LAMC1: variants seen among roughly 807,000 people sequenced by gnomAD.
LAMC1 encodes laminin subunit gamma 1.
In LAMC1, 38 loss-of-function variants were observed where a neutral mutation model predicts 173.6. The observed-to-expected ratio is 0.22, with a 90% confidence interval of 0.17 to 0.29. LAMC1 has a LOEUF of 0.29. Among genes scored for constraint, LAMC1 ranks in the 10% least tolerant of loss-of-function variants. The pLI is 1.00. For missense variants in LAMC1, 1,824 were observed against 2,051.8 expected (o/e 0.89, Z 2.14); for synonymous variants, 746 against 749.1 (o/e 1.00, Z 0.07).
chr1:183,106,377 A>G (rs1390979232), intron 2 of LAMC1, among the ~76,000 whole-genome samples: 1 of 152,206 alleles, frequency 6.6e-6, no homozygotes, highest in Admixed American at 6.5e-5. Flanking sequence ...TGGAGTTCCA[A>G]GTTTGGATAT....
At chr1:183,106,108 C>T (rs187176102) in intron 2 of LAMC1, among the ~76,000 whole-genome samples, 3 of 152,138 alleles carry the variant, frequency 2.0e-5, no homozygotes, top group Admixed American at 6.5e-5. Flanking sequence ...CATAACTTGC[C>T]CCAAATCACA....
chr1:183,131,412 G>T (rs768182151), intron 20 of LAMC1, 34 bp downstream of exon 20: 6 of 1,247,574 alleles, frequency 4.8e-6, no homozygotes, highest in Non-Finnish European at 6.8e-6. Context: ...TGGTTAAGTT[G>T]TGGCTTCTGT....
chr1:183,035,237 G>A (rs1299093144), intron 1 of LAMC1, among the ~76,000 whole-genome samples: 1 of 152,138 alleles, frequency 6.6e-6, no homozygotes, highest in Non-Finnish European at 1.5e-5. Flanking sequence ...CATCCAGGTT[G>A]GGGTGCAGTG....
chr1:183,055,013 A>C (rs956355207), intron 1 of LAMC1, among the ~76,000 whole-genome samples: 1 of 128,988 alleles, frequency 7.8e-6, no homozygotes, highest in Non-Finnish European at 1.6e-5. Flanking sequence ...TTTGAGATGG[A>C]GTTTCGCTCT....
Position 183,023,747 on chromosome 1 carries a change from C to T in LAMC1, c.31C>T (p.Leu11=), listed in dbSNP as rs1236607655. The part of the protein sequence containing the change: MRGSHRAAPA[L]RPRGRLWPVL... The stretch of plus-strand genomic sequence containing the variant: ...AGGGAGCCATCGGGCCGCGCCGGCC[C>T]TGCGGCCCCGGGGGCGGCTCTGGCC... Residue 11 remains leucine (L), a synonymous_variant, in exon 1 of 28, where the codon CTG becomes TTG. Transcript: ENST00000258341. 3.3e-6 allele frequency: 4 copies of T among 1,210,186 alleles called. No individual in the cohort carries two copies. The highest frequency in any genetic ancestry group is 4.1e-6 in the Non-Finnish European group (4 of 965,508). 75.0% of individuals were successfully genotyped at this position (1,210,186 alleles called of 1,614,324 possible).
chr1:183,129,166 A>G (rs1268418662), intron 18 of LAMC1, among the ~76,000 whole-genome samples: 3 of 148,464 alleles, frequency 2.0e-5, no homozygotes, highest in Admixed American at 6.8e-5. Flanking sequence ...GCTCACTGCA[A>G]CCTCCACCTC....
intron 1 of LAMC1, among the ~76,000 whole-genome samples, chr1:183,074,111 T>TA (rs1001822100): frequency 1.3e-5 from 2 of 152,308 alleles, no homozygotes; most frequent in African/African-American, 2.4e-5. Flanking sequence ...TTTTCTGTTC[T>TA]AAAAAAATGA....
Position 183,117,417 on chromosome 1 carries a change from C to A in LAMC1, c.1662C>A (p.Tyr554Ter). ...RQDIAVISDS[Y>*]FPRYFIAPAK... ...ATATCGCCGTGATCTCAGACAGCTA[C>A]TTTCCTCGGTACTTCATTGCTCCTG... The change falls in exon 9 of 28, where the codon TAC becomes TAA. Residue 554 changes from tyrosine to a stop codon, truncating the protein, a stop_gained. Transcript: ENST00000258341. LOFTEE classifies it high-confidence loss of function. 1 of 1,613,842 alleles carries A rather than the reference C, an allele frequency of 6.2e-7. No individual in the cohort carries two copies. The highest frequency in any genetic ancestry group is 8.5e-7 in the Non-Finnish European group (1 of 1,179,730).
intron 1 of LAMC1, among the ~76,000 whole-genome samples, chr1:183,062,531 A>G (rs1296711535): frequency 1.3e-5 from 2 of 152,206 alleles, no homozygotes; most frequent in African/African-American, 2.4e-5. Flanking sequence ...GCGTGCCTGT[A>G]GTCTCAGCTA....
In LAMC1 at chr1:183,114,628, C is replaced by A; in HGVS notation, c.1119C>A (p.Asn373Lys). 1.9e-6 allele frequency: 3 copies of A among 1,614,210 alleles called. No individual in the cohort carries two copies. In the Admixed American group the frequency reaches 5.0e-5, roughly 27 times the overall value. Residue 373 changes from asparagine to lysine, a missense_variant, in exon 5 of 28, where the codon AAC (asparagine) becomes AAA (lysine). Asn to Lys is a moderately conservative substitution (Grantham distance 94). Transcript: ENST00000258341. ...HGGHCTNCQD[N>K]TDGAHCERCR... ...GCCACTGTACCAACTGCCAGGATAA[C>A]ACAGATGGCGCCCACTGTGAGAGGT...
At chr1:183,080,202 C>T (rs957715690) in intron 1 of LAMC1, among the ~76,000 whole-genome samples, 1 of 152,114 alleles carries the variant, frequency 6.6e-6, no homozygotes, top group Non-Finnish European at 1.5e-5. Flanking sequence ...CGAGATTATG[C>T]CATTGCACTT....
At chr1:183,107,922 C>A (rs889095905) in intron 2 of LAMC1, among the ~76,000 whole-genome samples, 1 of 152,118 alleles carries the variant, frequency 6.6e-6, no homozygotes, top group African/African-American at 2.4e-5. Flanking sequence ...GTATCCCTTA[C>A]TGGATTTGGG....
At chr1:183,042,542 C>T (rs918045056) in intron 1 of LAMC1, among the ~76,000 whole-genome samples, 4 of 152,120 alleles carry the variant, frequency 2.6e-5, no homozygotes, top group African/African-American at 9.7e-5. Context: ...CATGCCAACT[C>T]CTGTGCTGAA....
chr1:183,024,006 C>T lies in LAMC1; in HGVS notation c.290C>T (p.Pro97Leu), dbSNP rs762769330. The T allele has an allele frequency of 3.7e-6, 6 of 1,613,104 alleles. No homozygotes were observed. The Admixed American group carries it at 1.0e-4, about 27-fold the overall frequency. Reference sequence around the variant, plus strand: ...TGTCACCTGTGCGACGCCGGGCAGCCCCACCTGCAGCACGGGGCAGCCTTC... The same window carrying T: ...TGTCACCTGTGCGACGCCGGGCAGCTCCACCTGCAGCACGGGGCAGCCTTC... ...KSCHLCDAGQ[P>L]HLQHGAAFLT... is the part of the protein sequence containing the mutation. The change falls in exon 1 of 28, where the codon CCC becomes CTC. Residue 97 changes from proline to leucine, a missense_variant. Coordinates refer to ENST00000258341, the MANE Select transcript of LAMC1 (RefSeq NM_002293.4).
intron 1 of LAMC1, among the ~76,000 whole-genome samples, chr1:183,086,110 A>C (rs1322628872): frequency 6.6e-6 from 1 of 152,202 alleles, no homozygotes; most frequent in Non-Finnish European, 1.5e-5. Context: ...TTTATGCTAA[A>C]TTACACAATT....
rs557108773 is a variant in LAMC1, at chr1:183,117,325, G to A, written c.1570G>A (p.Asp524Asn). 20 of 1,604,584 alleles carry A rather than the reference G, an allele frequency of 1.2e-5. 1 individual carries two copies. The African/African-American group carries it at 2.0e-4, about 16-fold the overall frequency. The change falls in exon 9 of 28, where the codon GAT (aspartate) becomes AAT (asparagine). Residue 524 changes from aspartate to asparagine, a missense_variant. Transcript: ENST00000258341. ...TTTTCCTTCTCTACCTGCAGATGAG[G>A]ATGGGTGGCGTGCGGAACAGAGAGA... Reference protein sequence around the residue: ...SISSTFQIDEDGWRAEQRDGS... With the variant: ...SISSTFQIDENGWRAEQRDGS...
At chr1:183,131,203 CT>C (rs1558058863) in intron 19 of LAMC1, 95 bp from the exon 20 acceptor site, 2 of 517,616 alleles carry the variant, frequency 3.9e-6, no homozygotes, top group Non-Finnish European at 6.9e-6. Flanking sequence ...TAGAGGCATT[CT>C]TTTTGCCCTC....
intron 13 of LAMC1, 23 bp downstream of exon 13, chr1:183,122,274 C>T: frequency 6.2e-7 from 1 of 1,608,168 alleles, no homozygotes; most frequent in Non-Finnish European, 8.5e-7. Context: ...GCTTCATCTG[C>T]TTTCAGTGTT....
At chr1:183,093,826 T>C (rs1423224516) in intron 1 of LAMC1, among the ~76,000 whole-genome samples, 1 of 152,192 alleles carries the variant, frequency 6.6e-6, no homozygotes, top group Non-Finnish European at 1.5e-5. Flanking sequence ...TCAGTAAAAG[T>C]GGTTTGTTCC....
Sources: allele counts gnomAD v4.1 joint callset (sites outside exome capture counted in the v4.1 genomes callset), GRCh38; gene constraint gnomAD v4.1.1; transcripts MANE v1.5; gene names NCBI Gene and HGNC (gene_info 2026-07-23, HGNC 2026-07-21).